KCNQ1: variants seen among roughly 807,000 people sequenced by gnomAD.
The protein encoded by KCNQ1 is potassium voltage-gated channel subfamily KQT member 1.
Under a neutral mutation model 72.4 loss-of-function variants are expected in KCNQ1, and 49 were observed. The observed-to-expected ratio is 0.68, with a 90% confidence interval of 0.54 to 0.86. The LOEUF is 0.86. Ranked by LOEUF, KCNQ1 falls within the 40% of genes least tolerant of loss-of-function variation. KCNQ1 has a pLI of 0.00. For missense variants in KCNQ1, 790 were observed against 945.1 expected, an observed-to-expected ratio of 0.84 and a Z score of 2.15; for synonymous variants, 450 against 412.6, an observed-to-expected ratio of 1.09 and a Z score of -1.10.
chr11:2,742,657 C>T (rs974615658), intron 11 of KCNQ1, among the ~76,000 whole-genome samples: 3 of 152,242 alleles, frequency 2.0e-5, no homozygotes, highest in Non-Finnish European at 4.4e-5. Flanking sequence ...TGTCCAGGCT[C>T]TGTCCTGCTG....
At chr11:2,551,725 A>T (rs2133694586) in intron 2 of KCNQ1, among the ~76,000 whole-genome samples, 1 of 152,356 alleles carries the variant, frequency 6.6e-6, no homozygotes, top group South Asian at 2.1e-4. Flanking sequence ...CCATCAATGT[A>T]CGAGCATTCT....
intron 15 of KCNQ1, among the ~76,000 whole-genome samples, chr11:2,794,085 G>A (rs559749506): frequency 7.2e-5 from 11 of 152,142 alleles, no homozygotes; most frequent in Admixed American, 5.9e-4. Context: ...GGGATGGCCC[G>A]GCCGGGCCAA....
chr11:2,814,133 AATGG>A, intron 15 of KCNQ1, among the ~76,000 whole-genome samples: 1 of 140,580 alleles, frequency 7.1e-6, no homozygotes, highest in African/African-American at 2.7e-5. Context: ...ATGGGTGGAT[AATGG>A]ATGGATGAAT....
chr11:2,492,615 G>A lies in KCNQ1; in HGVS notation c.387-35313G>A, dbSNP rs1251154795. Reference sequence around the variant, plus strand: ...TTATGAGTGAGAACATATGGTGTTTGGTTTTCTGTTCCTGTGTTAGTTTGC... The same window carrying A: ...TTATGAGTGAGAACATATGGTGTTTAGTTTTCTGTTCCTGTGTTAGTTTGC... On this transcript the variant is annotated intron_variant, in intron 1 of 15. Coordinates refer to ENST00000155840, the MANE Select transcript of KCNQ1 (RefSeq NM_000218.3). This position sits in a 1 kb window ranked among gnomAD's most constrained non-coding sequence, Gnocchi z 4.1. 2.0e-5 allele frequency among the ~76,000 whole-genome samples: 3 copies of A among 152,130 alleles called. No homozygotes were observed. The highest frequency in any genetic ancestry group is 2.9e-5 in the Non-Finnish European group (2 of 68,044).
rs1272180448 is a variant in KCNQ1, at chr11:2,491,828, G to GA, written c.387-36092dup. On this transcript the variant is annotated intron_variant, in intron 1 of 15. Coordinates refer to ENST00000155840, the MANE Select transcript of KCNQ1 (RefSeq NM_000218.3). This position sits in a 1 kb window ranked among gnomAD's most constrained non-coding sequence, Gnocchi z 4.1. The stretch of plus-strand genomic sequence containing the variant: ...AAAGAAAGGATCCTAAAAGCAGCAA[G>GA]AAAAAAAAGACTTATAATTGAACTC... 3.3e-4 allele frequency among the ~76,000 whole-genome samples: 50 copies of GA among 151,234 alleles called. No homozygotes were observed. The highest frequency in any genetic ancestry group is 2.8e-3 in the Admixed American group (43 of 15,220).
Position 2,559,038 on chromosome 11 carries a change from T to C in KCNQ1, c.478-11590T>C, listed in dbSNP as rs1175935900. Reference sequence around the variant, plus strand: ...AGTGACAAATGTCAAGAGTTTGCAGTTACTCCCAGAGCTACGGACAAGGGG... The same window carrying C: ...AGTGACAAATGTCAAGAGTTTGCAGCTACTCCCAGAGCTACGGACAAGGGG... On this transcript the variant is annotated intron_variant, in intron 2 of 15. Coordinates refer to ENST00000155840, the MANE Select transcript of KCNQ1 (RefSeq NM_000218.3). The surrounding 1 kb of genome is among the most constrained non-coding windows in gnomAD (Gnocchi z 4.9). Among the ~76,000 whole-genome samples the C allele has an allele frequency of 6.6e-6, 1 of 151,852 alleles. No individual in the cohort carries two copies. The highest frequency in any genetic ancestry group is 1.5e-5 in the Non-Finnish European group (1 of 67,952).
At chr11:2,706,309 G>C (rs1276963359) in intron 11 of KCNQ1, among the ~76,000 whole-genome samples, 1 of 152,232 alleles carries the variant, frequency 6.6e-6, no homozygotes, top group African/African-American at 2.4e-5. Flanking sequence ...AGCCACCATG[G>C]TGTGAGGACA....
At position 2,687,702 on chromosome 11, in the gene KCNQ1, G is replaced by T; in HGVS notation, c.1514+25621G>T. The T allele has an allele frequency of 2.5e-6, 1 of 398,784 alleles. No homozygotes were observed. Among genetic ancestry groups the T allele is most frequent in the Non-Finnish European group, 4.4e-6 (1 of 226,186 alleles). 24.7% of individuals were successfully genotyped at this position (398,784 alleles called of 1,614,324 possible). On this transcript the variant is annotated intron_variant, in intron 11 of 15. Transcript: ENST00000155840. This position sits in a 1 kb window ranked among gnomAD's most constrained non-coding sequence, Gnocchi z 5.0. ...AGCTCAGGGTTCAGTGTTGGAATGG[G>T]TCTGGGCCCAGATTTCAAGCCAGTA...
chr11:2,742,308 A>C (rs765959307), intron 11 of KCNQ1, among the ~76,000 whole-genome samples: 1 of 152,188 alleles, frequency 6.6e-6, no homozygotes, highest in Non-Finnish European at 1.5e-5. Flanking sequence ...CCTGTGCCCC[A>C]AGATCAGATA....
Position 2,654,979 on chromosome 11 carries a change from G to A in KCNQ1, c.1394-6982G>A, listed in dbSNP as rs953368361. On this transcript the variant is annotated intron_variant, in intron 10 of 15. Transcript: ENST00000155840. This position sits in a 1 kb window ranked among gnomAD's most constrained non-coding sequence, Gnocchi z 6.4. ...GTTTCTTGACTTGGAAAAGTATCAT[G>A]CAAAATAGAAAACACAGACACAATA... is the stretch of plus-strand genomic sequence containing the variant. 1 of 398,568 alleles carries A rather than the reference G, an allele frequency of 2.5e-6. No individual in the cohort carries two copies. The highest frequency in any genetic ancestry group is 2.1e-5 in the African/African-American group (1 of 48,730). The allele number at this position is 398,568 out of a possible 1,614,324, so 24.7% of individuals were successfully genotyped here.
In KCNQ1 at chr11:2,704,745, C is replaced by T. The variant is rs1276356243; in HGVS notation, c.1514+42664C>T. Among the ~76,000 whole-genome samples the T allele has an allele frequency of 6.6e-6, 1 of 152,174 alleles. No individual in the cohort carries two copies. Among genetic ancestry groups the T allele is most frequent in the African/African-American group, 2.4e-5 (1 of 41,436 alleles). On this transcript the variant is annotated intron_variant, in intron 11 of 15. Transcript: ENST00000155840. The surrounding 1 kb of genome is among the most constrained non-coding windows in gnomAD (Gnocchi z 4.3). ...TGAGAAGTGCCAGGCTGGGCTCCCT[C>T]AGGCGGCAACTTTGTCTAGACTTCT...
intron 11 of KCNQ1, chr11:2,666,530 A>G (rs1257256775): frequency 7.5e-6 from 3 of 398,518 alleles, no homozygotes; most frequent in Non-Finnish European, 1.3e-5. Flanking sequence ...GCTTTCATCC[A>G]CATCACTACT....
rs984116329 is a variant in KCNQ1, at chr11:2,745,436, A to G, written c.1515-23408A>G. Among the ~76,000 whole-genome samples, 1 of 152,202 alleles carries G rather than the reference A, an allele frequency of 6.6e-6. No individual in the cohort carries two copies. Among genetic ancestry groups the G allele is most frequent in the Non-Finnish European group, 1.5e-5 (1 of 68,038 alleles). On this transcript the variant is annotated intron_variant, in intron 11 of 15. Transcript: ENST00000155840. The surrounding 1 kb of genome is among the most constrained non-coding windows in gnomAD (Gnocchi z 6.2). ...TCCCAGGAGTTTATTGCTGGTATAA[A>G]GAAATGCCATTGATTTGGGGGGGTT...
intron 11 of KCNQ1, chr11:2,686,338 A>C (rs895793024): frequency 2.0e-5 from 8 of 398,718 alleles, no homozygotes; most frequent in African/African-American, 1.6e-4. Flanking sequence ...ACCTGTTCCA[A>C]GCTGGGGGAG....
intron 11 of KCNQ1, chr11:2,681,472 C>T (rs1850395888): frequency 2.5e-6 from 1 of 398,336 alleles, no homozygotes; most frequent in African/African-American, 2.1e-5. Context: ...GCCTCAGGCT[C>T]CCTAGATGAG....
In KCNQ1 at chr11:2,734,032, C is replaced by A. The variant is rs190517800; in HGVS notation, c.1515-34812C>A. On this transcript the variant is annotated intron_variant, in intron 11 of 15. Transcript: ENST00000155840. The surrounding 1 kb of genome is among the most constrained non-coding windows in gnomAD (Gnocchi z 7.0). ...GCAGTTGCGCGCTCTAAATCAGGAC[C>A]ACCTTGCGGTTCTCCCAGCCCCAGC... Among the ~76,000 whole-genome samples, 1 of 152,050 alleles carries A rather than the reference C, an allele frequency of 6.6e-6. No homozygotes were observed. The highest frequency in any genetic ancestry group is 1.5e-5 in the Non-Finnish European group (1 of 68,016).
At chr11:2,834,655 G>T (rs1304310489) in intron 15 of KCNQ1, among the ~76,000 whole-genome samples, 1 of 152,214 alleles carries the variant, frequency 6.6e-6, no homozygotes, top group African/African-American at 2.4e-5. Context: ...CAGGGGAGGG[G>T]TGTGGGGCTC....
intron 11 of KCNQ1, among the ~76,000 whole-genome samples, chr11:2,701,558 TATA>T (rs1198943319): frequency 6.6e-6 from 1 of 152,252 alleles, no homozygotes; most frequent in Non-Finnish European, 1.5e-5. Context: ...GGTTTCACGC[TATA>T]ATGTCACTGT....
chr11:2,626,342 C>A lies in KCNQ1; in HGVS notation c.1394-35619C>A. The stretch of plus-strand genomic sequence containing the variant: ...TGGTATTAGGTAAGGGTCTCAACTT[C>A]AGTTATCCTGGCACCATTTGTTGAA... On this transcript the variant is annotated intron_variant, in intron 10 of 15. Coordinates refer to ENST00000155840, the MANE Select transcript of KCNQ1 (RefSeq NM_000218.3). This position sits in a 1 kb window ranked among gnomAD's most constrained non-coding sequence, Gnocchi z 4.0. The A allele has an allele frequency of 2.5e-6, 1 of 398,592 alleles. No homozygotes were observed. Among genetic ancestry groups the A allele is most frequent in the South Asian group, 1.3e-4 (1 of 7,848 alleles). The allele number at this position is 398,592 out of a possible 1,614,324, so 24.7% of individuals were successfully genotyped here. A position where few individuals can be genotyped will look rare whatever the true frequency, so the allele number is the denominator to read the frequency against.
Sources: gnomAD v4.1 joint callset for allele counts (sites outside exome capture counted in the v4.1 genomes callset) on GRCh38, gnomAD v4.1.1 for gene constraint, Gnocchi (gnomAD v3.1) non-coding constraint, MANE v1.5 for transcripts, NCBI Gene and HGNC (gene_info 2026-07-23, HGNC 2026-07-21) for gene names.